CARF: variants seen among roughly 807,000 people sequenced by gnomAD.
The protein encoded by CARF is calcium-responsive transcription factor.
CARF carries 57 observed loss-of-function variants against 82.0 expected under a neutral mutation model. That is an observed-to-expected ratio of 0.70 (90% CI 0.56 to 0.87). CARF has a LOEUF of 0.87. Among genes scored for constraint, CARF ranks in the 40% least tolerant of loss-of-function variants. CARF has a pLI of 0.00. For missense variants in CARF, 771 were observed against 855.8 expected, an observed-to-expected ratio of 0.90 and a Z score of 1.24; for synonymous variants, 268 against 290.1, an observed-to-expected ratio of 0.92 and a Z score of 0.77.
chr2:202,933,715 G>A (rs988061407), intron 3 of CARF, among the ~76,000 whole-genome samples: 1 of 152,038 alleles, frequency 6.6e-6, no homozygotes, highest in African/African-American at 2.4e-5. Context: ...TCTTTGTGGG[G>A]GAAATGAATG....
At chr2:202,952,047 G>A (rs1399899701) in intron 5 of CARF, among the ~76,000 whole-genome samples, 1 of 151,990 alleles carries the variant, frequency 6.6e-6, no homozygotes, top group Non-Finnish European at 1.5e-5. Flanking sequence ...TGATCAGGCT[G>A]GTCTCGAACT....
At chr2:202,981,503 ACTTC>A in intron 14 of CARF, 48 bp from the exon 15 acceptor site, 1 of 1,231,962 alleles carries the variant, frequency 8.1e-7, no homozygotes, top group Non-Finnish European at 1.1e-6. Context: ...TATTTTTATG[ACTTC>A]ATAGAAGCCA....
At chr2:202,961,779 C>A (rs913880879) in intron 9 of CARF, 4 of 333,582 alleles carry the variant, frequency 1.2e-5, no homozygotes, top group Non-Finnish European at 2.1e-5. Flanking sequence ...TTAGCCTTCT[C>A]TCTTAATTTG....
At chr2:202,972,633 C>T (rs747832332) in intron 12 of CARF, among the ~76,000 whole-genome samples, 6 of 147,894 alleles carry the variant, frequency 4.1e-5, no homozygotes, top group East Asian at 2.0e-4. Flanking sequence ...GCCGAGATCG[C>T]GCCACTGCAC....
rs1332774006 is a variant in CARF, at chr2:202,971,571, T to A, written c.1164T>A (p.Thr388=). The change falls in exon 12 of 17, where the codon ACT becomes ACA. Residue 388 remains threonine (T), a synonymous_variant. Coordinates refer to ENST00000438828, the MANE Select transcript of CARF (RefSeq NM_024744.17). ...QYHELETPCL[T]LSPSPFPVSS... ...ATGAATTAGAGACTCCCTGCCTCACTTTGTCACCTTCTCCTTTTCCTGTGT... is the reference window on the plus strand; with the variant it reads ...ATGAATTAGAGACTCCCTGCCTCACATTGTCACCTTCTCCTTTTCCTGTGT... The A allele has an allele frequency of 6.2e-7, 1 of 1,613,782 alleles. No individual in the cohort carries two copies. Among genetic ancestry groups the A allele is most frequent in the South Asian group, 1.1e-5 (1 of 91,076 alleles).
intron 12 of CARF, chr2:202,973,451 T>C: frequency 2.3e-6 from 1 of 436,596 alleles, no homozygotes; most frequent in South Asian, 1.7e-5. Context: ...CTTCTATTTC[T>C]ATCTTCTTTT....
At chr2:202,960,105 CTAGGTATA>C (rs2059239420) in intron 8 of CARF, among the ~76,000 whole-genome samples, 1 of 152,166 alleles carries the variant, frequency 6.6e-6, no homozygotes, top group African/African-American at 2.4e-5. Flanking sequence ...TGTCTATAAT[CTAGGTATA>C]TGCTTTTCAA....
intron 10 of CARF, 33 bp downstream of exon 10, chr2:202,967,131 T>C: frequency 6.2e-7 from 1 of 1,603,494 alleles, no homozygotes; most frequent in South Asian, 1.1e-5. Flanking sequence ...TGTTTTCTAT[T>C]AAGAACTTAT....
At chr2:202,919,572 G>A (rs1054840024) in intron 2 of CARF, among the ~76,000 whole-genome samples, 8 of 152,176 alleles carry the variant, frequency 5.3e-5, no homozygotes, top group Non-Finnish European at 1.2e-4. Context: ...GTCGGAGATA[G>A]AGTTTTTTGT....
Position 202,974,387 on chromosome 2 carries a change from A to AT in CARF, c.1388dup (p.Leu463PhefsTer9). Reference sequence around the variant, plus strand: ...CCCGATGAGGTACCTGAAAGACATAATTTATCTTTTTTTCCAACTGTAAAT... The same window carrying AT: ...CCCGATGAGGTACCTGAAAGACATAATTTTATCTTTTTTTCCAACTGTAAAT... On this transcript the variant is annotated frameshift_variant, in exon 13 of 17. Coordinates refer to ENST00000438828, the MANE Select transcript of CARF (RefSeq NM_024744.17). LOFTEE classifies it high-confidence loss of function. 6.2e-7 allele frequency: 1 copy of AT among 1,609,832 alleles called. No individual in the cohort carries two copies. The highest frequency in any genetic ancestry group is 2.2e-5 in the East Asian group (1 of 44,738).
chr2:202,979,417 A>G (rs1185625170), intron 14 of CARF, among the ~76,000 whole-genome samples: 2 of 152,154 alleles, frequency 1.3e-5, no homozygotes, highest in South Asian at 4.2e-4. Flanking sequence ...AGAAACCAAG[A>G]AATGCATGAT....
chr2:202,977,626 T>C (rs2060087573), intron 14 of CARF, among the ~76,000 whole-genome samples: 1 of 152,212 alleles, frequency 6.6e-6, no homozygotes, highest in Admixed American at 6.5e-5. Context: ...TAAGATGCCC[T>C]GATCTGGGAA....
chr2:202,970,222 C>T (rs1294959269), intron 11 of CARF, among the ~76,000 whole-genome samples, 160 bp downstream of exon 11: 1 of 152,146 alleles, frequency 6.6e-6, no homozygotes, highest in Non-Finnish European at 1.5e-5. Context: ...TGATTTGCCA[C>T]TGTGTAAGCC....
chr2:202,968,216 A>T (rs1021313241), intron 10 of CARF, among the ~76,000 whole-genome samples: 3 of 152,058 alleles, frequency 2.0e-5, no homozygotes, highest in Non-Finnish European at 4.4e-5. Context: ...AGCCTGGCCA[A>T]CTGGTGAAAC....
chr2:202,941,969 C>T lies in CARF; in HGVS notation c.67C>T (p.Gln23Ter), dbSNP rs2058249410. ...CGGTGAAGAGTCAAAAACCAGTGCT[C>T]AAGTATTTGAGGTATGGATTCAGCT... ...NDGEESKTSA[Q>*]VFEHLICMDS... Residue 23 changes from glutamine (Q) to a stop codon, truncating the protein, a stop_gained, in exon 4 of 17, where the codon CAA becomes TAA. Coordinates refer to ENST00000438828, the MANE Select transcript of CARF (RefSeq NM_024744.17). LOFTEE classifies it high-confidence loss of function. The T allele has an allele frequency of 6.2e-7, 1 of 1,613,208 alleles. No individual in the cohort carries two copies.
chr2:202,946,116 T>C (rs2105819666), intron 5 of CARF, among the ~76,000 whole-genome samples: 1 of 152,172 alleles, frequency 6.6e-6, no homozygotes, highest in Non-Finnish European at 1.5e-5. Context: ...GTCTTCTTTT[T>C]GAAAAGTTTA....
rs577808416 is a variant in CARF, at chr2:202,955,715, C to G, written c.599C>G (p.Ser200Cys). The G allele has an allele frequency of 6.2e-7, 1 of 1,612,332 alleles. No homozygotes were observed. The highest frequency in any genetic ancestry group is 1.1e-5 in the South Asian group (1 of 90,806). ...EPLLGPLQPL[S>C]SNTPIWACRL... ...CTTCTGGGGCCTCTTCAGCCACTTTCTTCTAATACACCTATATGGGCCTGC... is the reference window on the plus strand; with the variant it reads ...CTTCTGGGGCCTCTTCAGCCACTTTGTTCTAATACACCTATATGGGCCTGC... The change falls in exon 8 of 17, where the codon TCT becomes TGT. Residue 200 changes from serine to cysteine, a missense_variant. Ser to Cys is a moderately radical substitution (Grantham distance 112). Transcript: ENST00000438828.
rs1415202215 is a variant in CARF, at chr2:202,986,460, T to C, written c.*2836T>C. 1.3e-5 allele frequency: 2 copies of C among 152,086 alleles called. No homozygotes were observed. The highest frequency in any genetic ancestry group is 1.3e-4 in the Admixed American group (2 of 15,266). 9.4% of individuals were successfully genotyped at this position (152,086 alleles called of 1,614,324 possible). On this transcript the variant is annotated 3_prime_UTR_variant, in exon 17 of 17. Coordinates refer to ENST00000438828, the MANE Select transcript of CARF (RefSeq NM_024744.17). ...GTAGGAGTGAGTTGGACATTCTAAA[T>C]TAGCAGTAAAAAATTCACAATTACA...
rs1688771437 is a variant in CARF at position 202,912,471 on chromosome 2, C to CA, written c.-961_-960insA. The CA allele has an allele frequency of 3.2e-5, 1 of 30,814 alleles. No homozygotes were observed. The highest frequency in any genetic ancestry group is 1.5e-4 in the Non-Finnish European group (1 of 6,590). 1.9% of individuals were successfully genotyped at this position (30,814 alleles called of 1,614,324 possible). On this transcript the variant is annotated 5_prime_UTR_variant, in exon 1 of 17. It introduces an in-frame stop codon into an upstream open reading frame of the 5' UTR. Transcript: ENST00000438828. ...AGACCTACCGGACGCTACCTCCCAA[C>CA]CCCCCGTCTTCCTCCTGCCTCCTCC...
Sources: allele counts gnomAD v4.1 joint callset (sites outside exome capture counted in the v4.1 genomes callset), GRCh38; gene constraint gnomAD v4.1.1; transcripts MANE v1.5; gene names NCBI Gene and HGNC (gene_info 2026-07-23, HGNC 2026-07-21).